The following SENP7 variants were observed in gnomAD, a reference collection of about 807,000 sequenced individuals.
The protein encoded by SENP7 is SUMO specific peptidase 7.
In SENP7, 64 loss-of-function variants were observed where a neutral mutation model predicts 141.2. That is an observed-to-expected ratio of 0.45 (90% CI 0.37 to 0.56). The LOEUF (loss-of-function observed/expected upper bound fraction) is 0.56. Among genes scored for constraint, SENP7 ranks in the 20% least tolerant of loss-of-function variants. The pLI is 0.00. For synonymous variants in SENP7, 382 were observed against 426.4 expected, an observed-to-expected ratio of 0.90 and a Z score of 1.28; for missense variants, 1,025 against 1,212.2, an observed-to-expected ratio of 0.85 and a Z score of 2.29.
At chr3:101,471,975 T>C (rs1199060056) in intron 3 of SENP7, among the ~76,000 whole-genome samples, 1 of 152,168 alleles carries the variant, frequency 6.6e-6, no homozygotes, top group Non-Finnish European at 1.5e-5. Context: ...CCAGTTACAA[T>C]GGCAATCATT....
chr3:101,450,312 A>T (rs1350125686), intron 4 of SENP7, among the ~76,000 whole-genome samples: 2 of 152,162 alleles, frequency 1.3e-5, no homozygotes, highest in East Asian at 3.8e-4. Flanking sequence ...AACAAGACAG[A>T]AAGTTAACAA....
intron 3 of SENP7, among the ~76,000 whole-genome samples, chr3:101,468,755 T>C (rs961587151): frequency 6.6e-6 from 1 of 152,044 alleles, no homozygotes; most frequent in Admixed American, 6.6e-5. Flanking sequence ...TGCAAAAACA[T>C]GCCAAATTGT....
chr3:101,513,092 G>T lies in SENP7; in HGVS notation c.39C>A (p.Ser13=). Residue 13 remains serine, a splice_region_variant and synonymous_variant, in exon 1 of 24, where the codon TCC becomes TCA. Coordinates refer to ENST00000394095, the MANE Select transcript of SENP7 (RefSeq NM_020654.5). The part of the protein sequence containing the change: ...KRKLGRRPSS[S]EIITEGKRKK... ...AGCCCTTCTCTGACCCTTTCTCACC[G>T]GATGAAGATGGCCGTCGCCCGAGCT... 2 of 1,613,602 alleles carry T rather than the reference G, an allele frequency of 1.2e-6. No homozygotes were observed. The highest frequency in any genetic ancestry group is 1.7e-6 in the Non-Finnish European group (2 of 1,179,862).
At position 101,450,620 on chromosome 3, in the gene SENP7, A is replaced by G. The variant is rs150752442; in HGVS notation, c.284+8335T>C. Reference sequence around the variant, plus strand: ...ACCTAGTCCTGAATGACTACTGGGTACATAACAAAATGAAGGCAGAAATAA... The same window carrying G: ...ACCTAGTCCTGAATGACTACTGGGTGCATAACAAAATGAAGGCAGAAATAA... On this transcript the variant is annotated intron_variant, in intron 4 of 23. Coordinates refer to ENST00000394095, the MANE Select transcript of SENP7 (RefSeq NM_020654.5). Among the ~76,000 whole-genome samples, 835 of 152,354 alleles carry G rather than the reference A, an allele frequency of 5.5e-3. 4 individuals are homozygous for G. The highest frequency in any genetic ancestry group is 0.018 in the African/African-American group (762 of 41,578).
intron 6 of SENP7, among the ~76,000 whole-genome samples, chr3:101,380,833 G>A (rs920647845): frequency 1.3e-5 from 2 of 152,044 alleles, no homozygotes; most frequent in East Asian, 1.9e-4. Flanking sequence ...GTCCAAAGGA[G>A]CATTGTTTAT....
chr3:101,373,964 T>C (rs2060249088), intron 6 of SENP7, among the ~76,000 whole-genome samples: 1 of 152,188 alleles, frequency 6.6e-6, no homozygotes. Flanking sequence ...ATTATTCAAG[T>C]TAACAAGTAA....
chr3:101,445,865 C>G (rs2107799508), intron 4 of SENP7, among the ~76,000 whole-genome samples: 1 of 152,260 alleles, frequency 6.6e-6, no homozygotes, highest in South Asian at 2.1e-4. Flanking sequence ...ATACAGCCAA[C>G]ATCAAAGCAC....
chr3:101,349,624 T>C (rs1247491563), intron 12 of SENP7, among the ~76,000 whole-genome samples: 2 of 152,114 alleles, frequency 1.3e-5, no homozygotes, highest in African/African-American at 2.4e-5. Context: ...ACATGGCACA[T>C]GTATACATAT....
rs2059507380 is a variant in SENP7 at position 101,347,808 on chromosome 3, T to C, written c.1837+64A>G. 4.0e-6 allele frequency: 3 copies of C among 756,764 alleles called. No individual in the cohort carries two copies. The Admixed American group carries it at 9.3e-5, about 23-fold the overall frequency. The allele number at this position is 756,764 out of a possible 1,614,324, so 46.9% of individuals were successfully genotyped here. On this transcript the variant is annotated intron_variant, in intron 13 of 23. Transcript: ENST00000394095. The stretch of plus-strand genomic sequence containing the variant: ...GAAATAACATTCTATTAAATTATTT[T>C]AGGAAAAAACTATTTATGACAATTT...
Position 101,366,722 on chromosome 3 carries a change from T to C in SENP7, c.1026A>G (p.Pro342=). The change falls in exon 9 of 24, where the codon CCA becomes CCG. Residue 342 remains proline (P), a synonymous_variant. Coordinates refer to ENST00000394095, the MANE Select transcript of SENP7 (RefSeq NM_020654.5). ...DSTISTEFEK[P]SENYHQDPKL... ...TTGGATCCTGATGATAGTTTTCACT[T>C]GGCTTTTCAAACTCAGTGGATATTG... is the stretch of plus-strand genomic sequence containing the variant. The C allele has an allele frequency of 6.2e-7, 1 of 1,611,196 alleles. No homozygotes were observed. The highest frequency in any genetic ancestry group is 1.1e-5 in the South Asian group (1 of 90,608).
intron 19 of SENP7, among the ~76,000 whole-genome samples, 187 bp from the exon 20 acceptor site, chr3:101,330,573 G>A (rs2059022659): frequency 6.6e-6 from 1 of 152,052 alleles, no homozygotes. Flanking sequence ...GACAATGGTT[G>A]GCTGTTATCA....
chr3:101,389,875 A>G (rs948819892), intron 6 of SENP7, among the ~76,000 whole-genome samples: 2 of 152,242 alleles, frequency 1.3e-5, no homozygotes, highest in African/African-American at 4.8e-5. Context: ...GCAGGAGTTA[A>G]GTCCTCATCT....
chr3:101,486,898 A>C (rs868399048), intron 3 of SENP7, among the ~76,000 whole-genome samples: 3 of 152,210 alleles, frequency 2.0e-5, no homozygotes, highest in Non-Finnish European at 1.5e-5. Flanking sequence ...GGAATCACAT[A>C]AACTTAAGGT....
intron 6 of SENP7, among the ~76,000 whole-genome samples, chr3:101,380,709 A>G (rs955897161): frequency 6.6e-6 from 1 of 152,004 alleles, no homozygotes; most frequent in Non-Finnish European, 1.5e-5. Context: ...GAAAAATAGT[A>G]GTATAAAATA....
chr3:101,399,765 A>G (rs1444951287), intron 5 of SENP7, among the ~76,000 whole-genome samples: 1 of 152,174 alleles, frequency 6.6e-6, no homozygotes, highest in Non-Finnish European at 1.5e-5. Context: ...AGCTGGGACT[A>G]TAGGCACAAG....
At chr3:101,332,227 C>T in intron 18 of SENP7, 118 bp from the exon 19 acceptor site, 1 of 957,480 alleles carries the variant, frequency 1.0e-6, no homozygotes, top group Non-Finnish European at 1.5e-6. Flanking sequence ...AAGACATCCA[C>T]TGTAACATCT....
chr3:101,346,273 T>C (rs529846605), intron 13 of SENP7, among the ~76,000 whole-genome samples: 1 of 152,182 alleles, frequency 6.6e-6, no homozygotes, highest in Admixed American at 6.5e-5. Context: ...GAAGTTGGTG[T>C]GGATACAGTG....
At chr3:101,443,878 T>C (rs902116929) in intron 4 of SENP7, among the ~76,000 whole-genome samples, 1 of 151,056 alleles carries the variant, frequency 6.6e-6, no homozygotes, top group African/African-American at 2.4e-5. Flanking sequence ...TATACAATCA[T>C]GTCGTCTGCA....
chr3:101,427,047 T>C (rs1420604372), intron 4 of SENP7, among the ~76,000 whole-genome samples: 1 of 152,040 alleles, frequency 6.6e-6, no homozygotes, highest in Non-Finnish European at 1.5e-5. Flanking sequence ...AAATGAAAAA[T>C]TTAAGGCCAA....
Sources: allele counts gnomAD v4.1 joint callset (sites outside exome capture counted in the v4.1 genomes callset), GRCh38; gene constraint gnomAD v4.1.1; transcripts MANE v1.5; gene names NCBI Gene and HGNC (gene_info 2026-07-23, HGNC 2026-07-21).